The following IFT56 variants were observed in gnomAD, a reference collection of about 807,000 sequenced individuals.
IFT56 encodes the protein intraflagellar transport protein 56.
chr7:139,154,819 G>C, the IFT56 span, among the ~76,000 whole-genome samples: 37,664 of 151,944 alleles, frequency 0.25, 8,433 homozygotes, highest in African/African-American at 0.57. Flanking sequence ...ACTCTGATCT[G>C]TTGCAATTCA....
At chr7:139,186,993 C>CT in the IFT56 span, among the ~76,000 whole-genome samples, 2 of 149,558 alleles carry the variant, frequency 1.3e-5, no homozygotes, top group African/African-American at 5.0e-5. Context: ...ACTCGGGAGG[C>CT]TGAGGCAGGA....
chr7:139,149,135 C>T, the IFT56 span, among the ~76,000 whole-genome samples: 4,605 of 151,872 alleles, frequency 0.03, 249 homozygotes, highest in African/African-American at 0.11. Context: ...GAAACTCCAT[C>T]TCTACTAAAA....
At chr7:139,168,628 G>C in the IFT56 span, 1 of 463,046 alleles carries the variant, frequency 2.2e-6, no homozygotes. Flanking sequence ...GTTTAAAAGG[G>C]TCCAATTTTT....
the IFT56 span, among the ~76,000 whole-genome samples, chr7:139,154,832 A>G: frequency 1.3e-5 from 2 of 152,256 alleles, no homozygotes; most frequent in Admixed American, 6.5e-5. Flanking sequence ...GCAATTCAAT[A>G]TGAATTTTAG....
the IFT56 span, chr7:139,181,153 C>A: frequency 7.4e-6 from 12 of 1,613,178 alleles, no homozygotes; most frequent in Admixed American, 2.0e-4. Flanking sequence ...AAACCTCCGG[C>A]GAGTCCTTCA....
chr7:139,155,457 T>G, the IFT56 span, among the ~76,000 whole-genome samples: 28 of 152,302 alleles, frequency 1.8e-4, no homozygotes, highest in African/African-American at 6.3e-4. Context: ...TTGTAAATGT[T>G]CTTTCCAGGT....
At chr7:139,166,248 G>A in the IFT56 span, among the ~76,000 whole-genome samples, 36,969 of 152,082 alleles carry the variant, frequency 0.24, 8,072 homozygotes, top group African/African-American at 0.55. Context: ...GTGAGCCACC[G>A]TGCCCGGCCT....
At chr7:139,159,222 A>G in the IFT56 span, among the ~76,000 whole-genome samples, 8 of 152,288 alleles carry the variant, frequency 5.3e-5, no homozygotes, top group African/African-American at 1.4e-4. Flanking sequence ...TGACAAAACT[A>G]TCTAGGTTTG....
the IFT56 span, chr7:139,173,464 G>A: frequency 1.7e-5 from 11 of 643,236 alleles, no homozygotes; most frequent in African/African-American, 1.6e-4. Flanking sequence ...CCTGACCTCA[G>A]GTGATCCACT....
the IFT56 span, among the ~76,000 whole-genome samples, chr7:139,154,728 T>G: frequency 6.6e-6 from 1 of 152,178 alleles, no homozygotes; most frequent in African/African-American, 2.4e-5. Flanking sequence ...CCACACTATC[T>G]TCCTTACTTA....
the IFT56 span, chr7:139,174,147 A>T: frequency 1.7e-6 from 1 of 594,014 alleles, no homozygotes; most frequent in Non-Finnish European, 3.3e-6. Flanking sequence ...CATCAGTATC[A>T]TGAAGCACAT....
chr7:139,189,575 A>G, the IFT56 span: 1 of 596,616 alleles, frequency 1.7e-6, no homozygotes, highest in Non-Finnish European at 3.0e-6. Flanking sequence ...TCAGAGACTG[A>G]CTTGCTGAGA....
the IFT56 span, among the ~76,000 whole-genome samples, chr7:139,154,301 G>T: frequency 6.7e-6 from 1 of 148,288 alleles, no homozygotes; most frequent in African/African-American, 2.5e-5. Context: ...TTTCTTAATA[G>T]TATTTTTTTT....
chr7:139,134,464 TG>T, the IFT56 span, among the ~76,000 whole-genome samples: 1 of 152,096 alleles, frequency 6.6e-6, no homozygotes, highest in Non-Finnish European at 1.5e-5. Context: ...AGAGATGCGG[TG>T]TCACCATATT....
chr7:139,180,585 C>A, the IFT56 span, among the ~76,000 whole-genome samples: 2 of 151,922 alleles, frequency 1.3e-5, no homozygotes, highest in Non-Finnish European at 1.5e-5. Context: ...TGGCACACAC[C>A]TATAATTCCA....
At chr7:139,179,035 T>C in the IFT56 span, among the ~76,000 whole-genome samples, 1 of 152,220 alleles carries the variant, frequency 6.6e-6, no homozygotes, top group Non-Finnish European at 1.5e-5. Flanking sequence ...TTGATGACTA[T>C]CAGTATGTTT....
chr7:139,180,617 C>T, the IFT56 span, among the ~76,000 whole-genome samples: 13 of 151,018 alleles, frequency 8.6e-5, no homozygotes, highest in South Asian at 2.1e-4. Flanking sequence ...GGCTGAGGCA[C>T]GAGAATCACT....
At chr7:139,167,736 C>T in the IFT56 span, among the ~76,000 whole-genome samples, 2 of 151,888 alleles carry the variant, frequency 1.3e-5, no homozygotes, top group Non-Finnish European at 2.9e-5. Flanking sequence ...GTCCAGAGTT[C>T]GAGACCAGCC....
At chr7:139,139,220 G>A in the IFT56 span, among the ~76,000 whole-genome samples, 1 of 152,182 alleles carries the variant, frequency 6.6e-6, no homozygotes, top group East Asian at 1.9e-4. Flanking sequence ...GCGAGATGAA[G>A]AACAAAGGAA....
Sources: allele counts gnomAD v4.1 joint callset (sites outside exome capture counted in the v4.1 genomes callset), GRCh38; gene constraint gnomAD v4.1.1; transcripts MANE v1.5; gene names NCBI Gene and HGNC (gene_info 2026-07-23, HGNC 2026-07-21).